SMURF2: variants seen among roughly 807,000 people sequenced by gnomAD.
SMURF2 encodes SMAD specific E3 ubiquitin protein ligase 2.
SMURF2 carries 48 observed loss-of-function variants against 109.6 expected under a neutral mutation model. The observed-to-expected ratio is 0.44, with a 90% CI of 0.35 to 0.56. The LOEUF (loss-of-function observed/expected upper bound fraction) is 0.56. Ranked by LOEUF, SMURF2 falls within the 20% of genes least tolerant of loss-of-function variation. The pLI is 0.01. For synonymous variants in SMURF2, 288 were observed against 317.1 expected, an observed-to-expected ratio of 0.91 and a Z score of 0.97; for missense variants, 575 against 909.0, an observed-to-expected ratio of 0.63 and a Z score of 4.72.
At chr17:64,621,278 C>T (rs1970197190) in intron 1 of SMURF2, among the ~76,000 whole-genome samples, 1 of 152,156 alleles carries the variant, frequency 6.6e-6, no homozygotes, top group Admixed American at 6.5e-5. Flanking sequence ...AAGAAGACTG[C>T]AACTATAAAA....
chr17:64,566,591 T>TTTTTTTTTTTTTTTG (rs1969314957), intron 10 of SMURF2, among the ~76,000 whole-genome samples: 3 of 127,972 alleles, frequency 2.3e-5, no homozygotes, highest in Non-Finnish European at 5.0e-5. Flanking sequence ...TTTTTTTTTT[T>TTTTTTTTTTTTTTTG]GAGACAGTCT....
At chr17:64,601,519 A>G (rs191827741) in intron 2 of SMURF2, among the ~76,000 whole-genome samples, 1 of 152,352 alleles carries the variant, frequency 6.6e-6, no homozygotes, top group African/African-American at 2.4e-5. Context: ...CTCCTGCAAG[A>G]ATGGCCATAA....
chr17:64,586,489 C>T lies in SMURF2; in HGVS notation c.401-319G>A, dbSNP rs572184947. ...CATAGCTGGGCGCGGTGGCTCATGC[C>T]TGTAATCCCAGCACTTTGGGAGGCC... On this transcript the variant is annotated intron_variant, in intron 5 of 18. Transcript: ENST00000262435. Among the ~76,000 whole-genome samples, 9 of 152,208 alleles carry T rather than the reference C, an allele frequency of 5.9e-5. No homozygotes were observed. In the East Asian group the frequency reaches 1.7e-3, roughly 29 times the overall value.
At chr17:64,570,551 C>T (rs545968422) in intron 10 of SMURF2, among the ~76,000 whole-genome samples, 9 of 152,278 alleles carry the variant, frequency 5.9e-5, no homozygotes, top group South Asian at 4.1e-4. Context: ...AGAAATGAGG[C>T]AGCTAGAGAG....
At chr17:64,595,726 A>C (rs1254355308) in intron 3 of SMURF2, among the ~76,000 whole-genome samples, 1 of 148,944 alleles carries the variant, frequency 6.7e-6, no homozygotes, top group African/African-American at 2.6e-5. Flanking sequence ...ATTAATATTA[A>C]TTGTAAGATA....
At chr17:64,656,458 C>G (rs1324380692) in intron 1 of SMURF2, among the ~76,000 whole-genome samples, 1 of 152,080 alleles carries the variant, frequency 6.6e-6, no homozygotes, top group Non-Finnish European at 1.5e-5. Context: ...TGGCACATGC[C>G]ATGAAATTAG....
chr17:64,646,377 CTTTCTTTTTTTTTTTT>C (rs1254278892), intron 1 of SMURF2, among the ~76,000 whole-genome samples: 2 of 130,864 alleles, frequency 1.5e-5, no homozygotes, highest in African/African-American at 5.9e-5. Context: ...TTTTTTTTTT[CTTTCTTTTTTTTTTTT>C]TTTAAATTGA....
intron 6 of SMURF2, among the ~76,000 whole-genome samples, chr17:64,584,515 C>T (rs1167299758): frequency 1.3e-5 from 2 of 151,576 alleles, no homozygotes; most frequent in Admixed American, 6.6e-5. Context: ...CACACCACCA[C>T]GCCTGGCTAC....
chr17:64,560,532 G>C (rs1969197922), intron 12 of SMURF2, among the ~76,000 whole-genome samples: 1 of 152,160 alleles, frequency 6.6e-6, no homozygotes, highest in African/African-American at 2.4e-5. Flanking sequence ...ATTTTGGTTG[G>C]ATTTAAGATT....
chr17:64,547,490 G>C lies in SMURF2; in HGVS notation c.2071+110C>G, dbSNP rs978784548. The C allele has an allele frequency of 4.8e-5, 42 of 870,962 alleles. No homozygotes were observed. Among genetic ancestry groups the C allele is most frequent in the Middle Eastern group, 6.4e-4 (2 of 3,104 alleles). 54.0% of individuals were successfully genotyped at this position (870,962 alleles called of 1,614,324 possible). ...ACAATGTGAGAGTCACAGATAAGAA[G>C]TGAAAAAGAGAATCTCTAAGCACAT... On this transcript the variant is annotated intron_variant, in intron 17 of 18. Coordinates refer to ENST00000262435, the MANE Select transcript of SMURF2 (RefSeq NM_022739.4). This position sits in a 1 kb window ranked among gnomAD's most constrained non-coding sequence, Gnocchi z 4.2.
chr17:64,619,344 G>T (rs1970168258), intron 1 of SMURF2, among the ~76,000 whole-genome samples: 1 of 151,658 alleles, frequency 6.6e-6, no homozygotes, highest in African/African-American at 2.4e-5. Context: ...CAGGCATGGT[G>T]GCATGTGCCT....
chr17:64,548,315 T>A (rs1409404231), intron 16 of SMURF2, among the ~76,000 whole-genome samples: 2 of 152,120 alleles, frequency 1.3e-5, no homozygotes, highest in African/African-American at 4.8e-5. Context: ...TTTCACTACA[T>A]CCTGGGGAAG....
At chr17:64,624,503 CAAAA>C (rs539075649) in intron 1 of SMURF2, among the ~76,000 whole-genome samples, 1 of 52,462 alleles carries the variant, frequency 1.9e-5, no homozygotes, top group Admixed American at 2.3e-4. Context: ...CAGGCCTCTA[CAAAA>C]AAAAAAAAAA....
At chr17:64,568,076 G>A (rs544506497) in intron 10 of SMURF2, among the ~76,000 whole-genome samples, 6 of 151,994 alleles carry the variant, frequency 3.9e-5, no homozygotes, top group East Asian at 1.9e-4. Context: ...GGATGGTCTC[G>A]ATCTCCTGAT....
At chr17:64,652,310 G>A (rs1403348710) in intron 1 of SMURF2, among the ~76,000 whole-genome samples, 10 of 152,074 alleles carry the variant, frequency 6.6e-5, no homozygotes, top group African/African-American at 1.9e-4. Flanking sequence ...TTAAACAGCC[G>A]CTCCAAAGCA....
At chr17:64,552,007 T>C (rs1969052507) in intron 15 of SMURF2, among the ~76,000 whole-genome samples, 1 of 152,206 alleles carries the variant, frequency 6.6e-6, no homozygotes, top group Admixed American at 6.5e-5. Flanking sequence ...ATGAAATTTC[T>C]TTCTAAACTT....
chr17:64,630,027 G>A (rs1427937963), intron 1 of SMURF2, among the ~76,000 whole-genome samples: 2 of 152,078 alleles, frequency 1.3e-5, no homozygotes, highest in South Asian at 2.1e-4. Flanking sequence ...CACAAGGTCA[G>A]GAGTTCGAAA....
Position 64,606,771 on chromosome 17 carries a change from C to T in SMURF2, c.53-131G>A, listed in dbSNP as rs1260510076. 5 of 597,326 alleles carry T rather than the reference C, an allele frequency of 8.4e-6. No individual in the cohort carries two copies. The South Asian group carries it at 9.7e-5, about 12-fold the overall frequency. The allele number at this position is 597,326 out of a possible 1,614,324, so 37.0% of individuals were successfully genotyped here. ...TATAGCAAGGTATGAAACATGACCA[C>T]AAACTTTCGAACTAGCAAATAAAAG... On this transcript the variant is annotated intron_variant, in intron 1 of 18. Transcript: ENST00000262435.
At chr17:64,586,971 C>T (rs1969670874) in intron 5 of SMURF2, among the ~76,000 whole-genome samples, 3 of 151,962 alleles carry the variant, frequency 2.0e-5, no homozygotes, top group Admixed American at 2.0e-4. Flanking sequence ...CGAGACTAGC[C>T]TGGCAAACAT....
Sources: allele counts gnomAD v4.1 joint callset (sites outside exome capture counted in the v4.1 genomes callset), GRCh38; gene constraint gnomAD v4.1.1; non-coding constraint Gnocchi (gnomAD v3.1); transcripts MANE v1.5; gene names NCBI Gene and HGNC (gene_info 2026-07-23, HGNC 2026-07-21).